Variants in ENAH observed in about 807,000 individuals in gnomAD.
ENAH encodes protein enabled homolog.
Under a neutral mutation model 78.7 loss-of-function variants are expected in ENAH, and 23 were observed. The observed-to-expected ratio is 0.29, with a 90% CI of 0.21 to 0.41. The LOEUF is 0.41. Among genes scored for constraint, ENAH ranks in the 10% least tolerant of loss-of-function variants. The pLI is 1.00. For missense variants in ENAH, 544 were observed against 691.0 expected (o/e 0.79, Z 2.39); for synonymous variants, 226 against 241.0 (o/e 0.94, Z 0.58).
rs767964807 is a variant in ENAH at position 225,514,848 on chromosome 1, C to T, written c.966G>A (p.Gly322=). 1 of 1,601,186 alleles carries T rather than the reference C, an allele frequency of 6.2e-7. No homozygotes were observed. The highest frequency in any genetic ancestry group is 1.1e-5 in the South Asian group (1 of 89,316). The change falls in exon 7 of 14, where the codon GGG becomes GGA. Residue 322 remains glycine, a synonymous_variant. Transcript: ENST00000366843. ...GGAGGGCTACTGAAGCCTGTGCAGG[C>T]CCTGGTGGGAGTGGTGGAGGAGGTG... ...APPPPPPLPP[G]PAQASVALPP...
chr1:225,635,932 T>C (rs1659984578), intron 1 of ENAH, among the ~76,000 whole-genome samples: 1 of 152,070 alleles, frequency 6.6e-6, no homozygotes, highest in Non-Finnish European at 1.5e-5. Flanking sequence ...CTGTTTTGAG[T>C]TTCCAGCTTA....
At chr1:225,545,407 A>C (rs1288117699) in intron 3 of ENAH, among the ~76,000 whole-genome samples, 1 of 152,158 alleles carries the variant, frequency 6.6e-6, no homozygotes, top group Non-Finnish European at 1.5e-5. Flanking sequence ...GACCCTAAAG[A>C]GCTTTTGCTT....
intron 6 of ENAH, among the ~76,000 whole-genome samples, chr1:225,516,030 T>C (rs1263947345): frequency 6.6e-6 from 1 of 152,164 alleles, no homozygotes; most frequent in Non-Finnish European, 1.5e-5. Context: ...TACAAATTTG[T>C]TTTCAGTTTT....
At chr1:225,557,560 C>T (rs1303522785) in intron 2 of ENAH, among the ~76,000 whole-genome samples, 1 of 152,184 alleles carries the variant, frequency 6.6e-6, no homozygotes, top group East Asian at 1.9e-4. Flanking sequence ...GTGGATCATG[C>T]CTGTAATTCC....
Position 225,492,873 on chromosome 1 carries a change from TTC to T in ENAH, c.*4900_*4901del, listed in dbSNP as rs1167261442. On this transcript the variant is annotated 3_prime_UTR_variant, in exon 14 of 14. Transcript: ENST00000366843. ...ACAGTCATTTATCCTTTTACAATGT[TTC>T]TGTTACTTTATAAAGAAAACTATTT... is the stretch of plus-strand genomic sequence containing the variant. 3.4e-4 allele frequency: 52 copies of T among 152,184 alleles called. No homozygotes were observed. The highest frequency in any genetic ancestry group is 1.9e-3 in the East Asian group (10 of 5,182). The allele number at this position is 152,184 out of a possible 1,614,324, so 9.4% of individuals were successfully genotyped here.
At chr1:225,600,252 C>T (rs565543024) in intron 1 of ENAH, among the ~76,000 whole-genome samples, 4 of 152,086 alleles carry the variant, frequency 2.6e-5, no homozygotes, top group South Asian at 4.2e-4. Context: ...TGAGTAAGAC[C>T]GCTATTCGGG....
intron 1 of ENAH, among the ~76,000 whole-genome samples, chr1:225,592,563 T>C (rs1281437081): frequency 2.0e-5 from 3 of 152,258 alleles, no homozygotes; most frequent in African/African-American, 7.2e-5. Context: ...AGTTAACTGC[T>C]ACTATATGTG....
intron 1 of ENAH, among the ~76,000 whole-genome samples, chr1:225,589,637 C>T (rs1020818194): frequency 3.3e-5 from 5 of 151,960 alleles, no homozygotes; most frequent in South Asian, 4.1e-4. Context: ...TATTTTTATG[C>T]GTATTATTGT....
At chr1:225,617,077 C>A (rs1655873055) in intron 1 of ENAH, among the ~76,000 whole-genome samples, 2 of 150,080 alleles carry the variant, frequency 1.3e-5, no homozygotes, top group Non-Finnish European at 2.9e-5. Context: ...CCAGCCGGGG[C>A]AACACAGCAA....
At chr1:225,601,286 C>T (rs1232461940) in intron 1 of ENAH, among the ~76,000 whole-genome samples, 3 of 151,968 alleles carry the variant, frequency 2.0e-5, no homozygotes, top group South Asian at 2.1e-4. Context: ...TTTGGGAGGC[C>T]GAGGTGGGCG....
intron 1 of ENAH, among the ~76,000 whole-genome samples, chr1:225,595,954 AT>A (rs1296189463): frequency 6.6e-6 from 1 of 152,088 alleles, no homozygotes; most frequent in East Asian, 1.9e-4. Context: ...GAACTTAAGC[AT>A]TTTTTCTCAT....
At chr1:225,541,413 C>A (rs948154577) in intron 3 of ENAH, among the ~76,000 whole-genome samples, 1 of 151,706 alleles carries the variant, frequency 6.6e-6, no homozygotes, top group Non-Finnish European at 1.5e-5. Context: ...CCAGCCCGGG[C>A]GACAGAGTGA....
At chr1:225,502,027 C>T (rs2096285030) in intron 11 of ENAH, among the ~76,000 whole-genome samples, 1 of 152,114 alleles carries the variant, frequency 6.6e-6, no homozygotes, top group Non-Finnish European at 1.5e-5. Context: ...AATTTAAAAC[C>T]ATCAGGCAAA....
intron 1 of ENAH, among the ~76,000 whole-genome samples, chr1:225,589,482 G>A (rs1240177858): frequency 6.6e-6 from 1 of 152,080 alleles, no homozygotes; most frequent in African/African-American, 2.4e-5. Context: ...GACTCCCACA[G>A]ATATTAAAAT....
intron 4 of ENAH, among the ~76,000 whole-genome samples, chr1:225,524,015 T>C (rs997549666): frequency 2.6e-5 from 4 of 152,216 alleles, no homozygotes; most frequent in African/African-American, 9.7e-5. Flanking sequence ...GGCATATATA[T>C]TCTACAATAA....
At chr1:225,619,631 G>A (rs143815594) in intron 1 of ENAH, among the ~76,000 whole-genome samples, 37 of 152,310 alleles carry the variant, frequency 2.4e-4, no homozygotes, top group African/African-American at 8.2e-4. Flanking sequence ...TGACTATAGA[G>A]AGAAAACCCA....
chr1:225,615,608 G>A (rs188343087), intron 1 of ENAH, among the ~76,000 whole-genome samples: 2,360 of 151,304 alleles, frequency 0.016, 70 homozygotes, highest in African/African-American at 0.054. Flanking sequence ...GAGCGTCTCT[G>A]CCCGGCCGCC....
intron 3 of ENAH, among the ~76,000 whole-genome samples, chr1:225,541,294 C>A (rs1193512812): frequency 1.5e-4 from 4 of 26,294 alleles, no homozygotes; most frequent in Non-Finnish European, 2.8e-4. Context: ...ATTAGCCAGG[C>A]GTTGGTGGCA....
intron 3 of ENAH, among the ~76,000 whole-genome samples, chr1:225,539,373 G>GT (rs1445969175): frequency 1.3e-5 from 2 of 152,204 alleles, no homozygotes; most frequent in East Asian, 3.9e-4. Flanking sequence ...CCATTTTACT[G>GT]TTTTTTAACG....
Sources: allele counts gnomAD v4.1 joint callset (sites outside exome capture counted in the v4.1 genomes callset), GRCh38; gene constraint gnomAD v4.1.1; transcripts MANE v1.5; gene names NCBI Gene and HGNC (gene_info 2026-07-23, HGNC 2026-07-21).